CEP295: variants seen among roughly 807,000 people sequenced by gnomAD.
CEP295 encodes centrosomal protein of 295 kDa.
CEP295 carries 190 observed loss-of-function variants against 291.6 expected under a neutral mutation model. That is an observed-to-expected ratio of 0.65 (90% CI 0.58 to 0.73). The LOEUF (loss-of-function observed/expected upper bound fraction) is 0.73. Among genes scored for constraint, CEP295 ranks in the 30% least tolerant of loss-of-function variants. The pLI, the probability that CEP295 is intolerant of heterozygous loss-of-function variation, is 0.00. For synonymous variants in CEP295, 993 were observed against 1,038.8 expected (o/e 0.96, Z 0.85); for missense variants, 2,863 against 2,949.4 (o/e 0.97, Z 0.68).
intron 6 of CEP295, among the ~76,000 whole-genome samples, chr11:93,675,943 A>T (rs1000020156): frequency 6.6e-6 from 1 of 152,022 alleles, no homozygotes; most frequent in Non-Finnish European, 1.5e-5. Flanking sequence ...TTTGTGGAAA[A>T]TTTGGAACTG....
At chr11:93,709,980 T>C (rs1334953167) in intron 18 of CEP295, among the ~76,000 whole-genome samples, 2 of 152,226 alleles carry the variant, frequency 1.3e-5, no homozygotes, top group Non-Finnish European at 2.9e-5. Context: ...GGTTTTTGTA[T>C]GTTGATTTTG....
At position 93,730,056 on chromosome 11, in the gene CEP295, A is replaced by AATC. The variant is rs1353490694; in HGVS notation, c.7677_7679dup (p.Asn2559_Gln2560insHis). ...TATATAAATTCTTTACAGGTTATAC[A>AATC]ATCAACTAGCTGAAGTGAAACAACA... On this transcript the variant is annotated inframe_insertion, in exon 29 of 30. Transcript: ENST00000325212. The AATC allele has an allele frequency of 1.3e-6, 2 of 1,549,008 alleles. No individual in the cohort carries two copies. Among genetic ancestry groups the AATC allele is most frequent in the Middle Eastern group, 1.7e-4 (1 of 5,978 alleles).
intron 7 of CEP295, among the ~76,000 whole-genome samples, chr11:93,683,266 C>T (rs1481607430): frequency 6.6e-6 from 1 of 152,186 alleles, no homozygotes; most frequent in East Asian, 1.9e-4. Context: ...CTTTTTGCAG[C>T]TTTATGGCCT....
chr11:93,721,058 T>C (rs1204771919), intron 18 of CEP295, among the ~76,000 whole-genome samples: 5 of 152,236 alleles, frequency 3.3e-5, no homozygotes, highest in African/African-American at 1.2e-4. Flanking sequence ...TATTCAAATT[T>C]CTTAAAGCAT....
intron 25 of CEP295, 53 bp downstream of exon 25, chr11:93,728,874 T>C: frequency 6.8e-7 from 1 of 1,461,758 alleles, no homozygotes. Flanking sequence ...ACCAGTTGAT[T>C]TGTCTCTTAC....
intron 4 of CEP295, among the ~76,000 whole-genome samples, 152 bp from the exon 5 acceptor site, chr11:93,669,525 A>G (rs990100347): frequency 6.6e-6 from 1 of 151,648 alleles, no homozygotes; most frequent in African/African-American, 2.4e-5. Context: ...TTTTCTTAAC[A>G]TATGTATAGA....
rs887594338 is a variant in CEP295 at position 93,691,008 on chromosome 11, A to G, written c.1337-675A>G. ...AATGTCGTTTCCTCAGAGAAATTTC[A>G]TCTTGCCCAGATTTATTATACTCTA... On this transcript the variant is annotated intron_variant, in intron 10 of 29. Coordinates refer to ENST00000325212, the MANE Select transcript of CEP295 (RefSeq NM_033395.2). 5.9e-5 allele frequency among the ~76,000 whole-genome samples: 9 copies of G among 152,164 alleles called. No individual in the cohort carries two copies. In the South Asian group the frequency reaches 6.2e-4, roughly 11 times the overall value.
At chr11:93,719,871 C>T (rs958739931) in intron 18 of CEP295, among the ~76,000 whole-genome samples, 5 of 152,092 alleles carry the variant, frequency 3.3e-5, no homozygotes, top group Non-Finnish European at 7.4e-5. Flanking sequence ...CCATAGACTA[C>T]AATATGTCTT....
At chr11:93,687,564 T>C in intron 9 of CEP295, 80 bp from the exon 10 acceptor site, 3 of 733,148 alleles carry the variant, frequency 4.1e-6, no homozygotes, top group Admixed American at 5.6e-5. Flanking sequence ...GTTATAGCAG[T>C]AACCGAATAT....
rs537166161 is a variant in CEP295 at position 93,688,881 on chromosome 11, A to G, written c.1336+1016A>G. Among the ~76,000 whole-genome samples the G allele has an allele frequency of 1.2e-3, 177 of 152,304 alleles. 2 individuals carry two copies. Among genetic ancestry groups the G allele is most frequent in the Admixed American group, 2.4e-3 (36 of 15,290 alleles). On this transcript the variant is annotated intron_variant, in intron 10 of 29. Coordinates refer to ENST00000325212, the MANE Select transcript of CEP295 (RefSeq NM_033395.2). ...ATTTCTTCAGAAGTGACCTGTTGAT[A>G]TCCCCTCCCACCACATACCTGCTTT...
At position 93,708,113 on chromosome 11, in the gene CEP295, G is replaced by C. The variant is rs368997655; in HGVS notation, c.5749+1216G>C. Reference sequence around the variant, plus strand: ...GGATAGTTTGATACTGGTATACAATGTGTAATATTCACATCATGGTAAATG... The same window carrying C: ...GGATAGTTTGATACTGGTATACAATCTGTAATATTCACATCATGGTAAATG... On this transcript the variant is annotated intron_variant, in intron 18 of 29. Transcript: ENST00000325212. Among the ~76,000 whole-genome samples, 13 of 152,140 alleles carry C rather than the reference G, an allele frequency of 8.5e-5. No individual in the cohort carries two copies. In the East Asian group the frequency reaches 2.5e-3, roughly 29 times the overall value.
intron 7 of CEP295, among the ~76,000 whole-genome samples, chr11:93,682,476 G>A (rs753870950): frequency 3.9e-5 from 6 of 152,074 alleles, no homozygotes; most frequent in African/African-American, 2.4e-5. Context: ...TGCCTGCCTT[G>A]GCCTCCCAAA....
rs189389099 is a variant in CEP295 at position 93,666,695 on chromosome 11, A to G, written c.-13A>G. ...TTTTGAATTCAGAACTGTCATACAT[A>G]AAGTACACAGAAATGAAGAGAAAAG... is the stretch of plus-strand genomic sequence containing the variant. On this transcript the variant is annotated 5_prime_UTR_variant, in exon 2 of 30. It adds an upstream start codon to the 5' untranslated region. Transcript: ENST00000325212. 5.4e-5 allele frequency: 75 copies of G among 1,380,408 alleles called. 1 individual carries two copies. In the Admixed American group the frequency reaches 1.0e-3, roughly 18 times the overall value. 85.5% of individuals were successfully genotyped at this position (1,380,408 alleles called of 1,614,324 possible). A position where few individuals can be genotyped will look rare whatever the true frequency, so the allele number is the denominator to read the frequency against.
Position 93,730,147 on chromosome 11 carries a change from A to C in CEP295, c.7766A>C (p.Lys2589Thr). 6.4e-7 allele frequency: 1 copy of C among 1,551,064 alleles called. No homozygotes were observed. Among genetic ancestry groups the C allele is most frequent in the Non-Finnish European group, 8.7e-7 (1 of 1,146,774 alleles). The change falls in exon 29 of 30, where the codon AAG becomes ACG. Residue 2589 changes from lysine (K) to threonine (T), a missense_variant and splice_region_variant. Physicochemically the swap from Lys to Thr is moderately conservative, Grantham distance 78. Transcript: ENST00000325212. ...QNRARAKEFH[K>T]KTLEKLRAKN... ...AGAGCAAGGGCAAAAGAATTCCATA[A>C]GGTGAGTATAACTGAGGGAGAAGGA... is the stretch of plus-strand genomic sequence containing the variant.
chr11:93,674,678 C>G (rs1354800818), intron 5 of CEP295, among the ~76,000 whole-genome samples: 1 of 151,546 alleles, frequency 6.6e-6, no homozygotes, highest in Non-Finnish European at 1.5e-5. Flanking sequence ...AGGGACTTTG[C>G]TAAGTTTTCA....
intron 7 of CEP295, among the ~76,000 whole-genome samples, chr11:93,680,924 A>G (rs1950927939): frequency 6.6e-6 from 1 of 152,222 alleles, no homozygotes; most frequent in South Asian, 2.1e-4. Context: ...GGTTATTTTT[A>G]TAGTTTGAAC....
chr11:93,705,731 A>T (rs1242742393), intron 17 of CEP295, among the ~76,000 whole-genome samples: 1 of 151,924 alleles, frequency 6.6e-6, no homozygotes, highest in Non-Finnish European at 1.5e-5. Context: ...CCTTTCCTCT[A>T]ATGTCTTCAT....
chr11:93,715,652 A>G (rs1234251879), intron 18 of CEP295, among the ~76,000 whole-genome samples: 1 of 151,932 alleles, frequency 6.6e-6, no homozygotes, highest in Non-Finnish European at 1.5e-5. Flanking sequence ...GGCATATACT[A>G]CTTGGCTACC....
Position 93,677,731 on chromosome 11 carries a change from A to G in CEP295, c.625-1681A>G, listed in dbSNP as rs1950765223. Reference sequence around the variant, plus strand: ...AATGTCTGCAGAAAAGTGAAGCTGAATCAGTTAAATTCATCATCAATTTTC... The same window carrying G: ...AATGTCTGCAGAAAAGTGAAGCTGAGTCAGTTAAATTCATCATCAATTTTC... On this transcript the variant is annotated intron_variant, in intron 6 of 29. Transcript: ENST00000325212. Among the ~76,000 whole-genome samples the G allele has an allele frequency of 2.6e-5, 4 of 152,196 alleles. 1 individual carries two copies. The South Asian group carries it at 8.3e-4, about 31-fold the overall frequency.
Sources: gnomAD v4.1 joint callset for allele counts (sites outside exome capture counted in the v4.1 genomes callset) on GRCh38, gnomAD v4.1.1 for gene constraint, MANE v1.5 for transcripts, NCBI Gene and HGNC (gene_info 2026-07-23, HGNC 2026-07-21) for gene names.